Variants in ZNRF3 observed in about 807,000 individuals in gnomAD.
ZNRF3 encodes zinc and ring finger 3, also known as E3 ubiquitin-protein ligase ZNRF3.
Under a neutral mutation model 72.5 loss-of-function variants are expected in ZNRF3, and 23 were observed. The observed-to-expected ratio is 0.32, with a 90% CI of 0.23 to 0.45. The LOEUF (loss-of-function observed/expected upper bound fraction) is 0.45, where lower values mean the gene tolerates loss of function less well. Among genes scored for constraint, ZNRF3 ranks in the 20% least tolerant of loss-of-function variants. The pLI is 1.00. For missense variants in ZNRF3, 1,169 were observed against 1,272.1 expected, an observed-to-expected ratio of 0.92 and a Z score of 1.23; for synonymous variants, 610 against 545.3, an observed-to-expected ratio of 1.12 and a Z score of -1.65.
rs149607594 is a variant in ZNRF3 at position 29,001,692 on chromosome 22, C to T, written c.426+14491C>T. On this transcript the variant is annotated intron_variant, in intron 2 of 8. Coordinates refer to ENST00000544604, the MANE Select transcript of ZNRF3 (RefSeq NM_001206998.2). ...TTCGCCTTGTTGGCCAGGCTGGTCT[C>T]GAACTCCTGACCTCAAGTGATCTGC... is the stretch of plus-strand genomic sequence containing the variant. Among the ~76,000 whole-genome samples, 1,488 of 152,162 alleles carry T rather than the reference C, an allele frequency of 9.8e-3. 28 individuals are homozygous for T. Among genetic ancestry groups the T allele is most frequent in the African/African-American group, 0.034 (1,430 of 41,490 alleles).
intron 1 of ZNRF3, among the ~76,000 whole-genome samples, chr22:28,956,890 C>T (rs944758298): frequency 6.6e-6 from 1 of 152,194 alleles, no homozygotes; most frequent in African/African-American, 2.4e-5. Context: ...AAGCATGGCT[C>T]TTTTCCCAAA....
Position 29,044,833 on chromosome 22 carries a change from C to T in ZNRF3, c.687C>T (p.Val229=). Residue 229 remains valine (V), a synonymous_variant, in exon 5 of 9, where the codon GTC becomes GTT. Transcript: ENST00000544604. ...TTTTCCTGGCTTTCTTCGTCGTGGT[C>T]TCCTTGGTCTGCCTCATCCTCCTTG... ...MGIFLAFFVV[V]SLVCLILLVK... is the part of the protein sequence containing the mutation. The T allele has an allele frequency of 1.2e-6, 2 of 1,614,138 alleles. No homozygotes were observed. Among genetic ancestry groups the T allele is most frequent in the Non-Finnish European group, 1.7e-6 (2 of 1,180,030 alleles).
rs145999339 is a variant in ZNRF3, at chr22:29,054,497, C to T, written c.*875C>T. 4.7e-3 allele frequency: 718 copies of T among 152,650 alleles called. 7 individuals are homozygous for T. The highest frequency in any genetic ancestry group is 5.9e-3 in the Non-Finnish European group (403 of 68,070). The allele number at this position is 152,650 out of a possible 1,614,324, so 9.5% of individuals were successfully genotyped here. A position where few individuals can be genotyped will look rare whatever the true frequency, so the allele number is the denominator to read the frequency against. On this transcript the variant is annotated 3_prime_UTR_variant, in exon 9 of 9. Transcript: ENST00000544604. ...ATGTTCTTGGGGCCCTCGACCTGAA[C>T]TCTGACCCTCCGGGCAGGGAAGAGG... is the stretch of plus-strand genomic sequence containing the variant.
Position 29,048,347 on chromosome 22 carries a change from C to T in ZNRF3, c.913-42C>T, listed in dbSNP as rs775009448. 6.4e-6 allele frequency: 10 copies of T among 1,567,840 alleles called. No individual in the cohort carries two copies. In the East Asian group the frequency reaches 6.7e-5, roughly 11 times the overall value. ...TGGACTCTGCAGGAGGACACACCTG[C>T]GAGGCTGAAGGCAGACTTGTGTCCC... On this transcript the variant is annotated intron_variant, in intron 6 of 8. Coordinates refer to ENST00000544604, the MANE Select transcript of ZNRF3 (RefSeq NM_001206998.2). The surrounding 1 kb of genome is among the most constrained non-coding windows in gnomAD (Gnocchi z 4.9).
chr22:28,942,653 C>T (rs1450423679), intron 1 of ZNRF3, among the ~76,000 whole-genome samples: 1 of 152,202 alleles, frequency 6.6e-6, no homozygotes, highest in Non-Finnish European at 1.5e-5. Context: ...GGGGTCCGTG[C>T]TACGTCTGAG....
intron 1 of ZNRF3, among the ~76,000 whole-genome samples, chr22:28,930,642 A>G (rs2034689039): frequency 6.6e-6 from 1 of 152,254 alleles, no homozygotes; most frequent in Non-Finnish European, 1.5e-5. Flanking sequence ...CACAGGCCAC[A>G]TAACAGGAAA....
intron 1 of ZNRF3, among the ~76,000 whole-genome samples, chr22:28,971,355 T>G (rs1302639521): frequency 6.6e-6 from 1 of 152,168 alleles, no homozygotes; most frequent in Non-Finnish European, 1.5e-5. Flanking sequence ...GTTATGGGCT[T>G]TTAATTCATA....
At chr22:28,918,550 G>A (rs1002897500) in intron 1 of ZNRF3, among the ~76,000 whole-genome samples, 255 of 105,338 alleles carry the variant, frequency 2.4e-3, no homozygotes, top group East Asian at 0.011. Flanking sequence ...GTGTGTGTGT[G>A]TGTGTGTGTG....
intron 6 of ZNRF3, among the ~76,000 whole-genome samples, chr22:29,047,608 C>T (rs1217493804): frequency 6.6e-6 from 1 of 152,152 alleles, no homozygotes; most frequent in East Asian, 1.9e-4. Flanking sequence ...GTGACATGGG[C>T]CTGACACTGA....
At chr22:28,999,473 A>T (rs2036106799) in intron 2 of ZNRF3, among the ~76,000 whole-genome samples, 1 of 152,046 alleles carries the variant, frequency 6.6e-6, no homozygotes, top group South Asian at 2.1e-4. Flanking sequence ...GAGACCCCTG[A>T]CTCTCAAAGA....
intron 2 of ZNRF3, among the ~76,000 whole-genome samples, chr22:29,033,759 G>A (rs2036810747): frequency 6.6e-6 from 1 of 152,192 alleles, no homozygotes; most frequent in Non-Finnish European, 1.5e-5. Context: ...CATGGGTGGA[G>A]GAATGGGGGA....
chr22:28,954,919 G>A (rs974939924), intron 1 of ZNRF3, among the ~76,000 whole-genome samples: 2 of 151,934 alleles, frequency 1.3e-5, no homozygotes, highest in African/African-American at 4.8e-5. Flanking sequence ...GCTGGGCACT[G>A]TGGGATAATA....
At chr22:28,889,782 C>G (rs2033852761) in intron 1 of ZNRF3, among the ~76,000 whole-genome samples, 1 of 152,338 alleles carries the variant, frequency 6.6e-6, no homozygotes, top group East Asian at 1.9e-4. Flanking sequence ...ACTTGACACT[C>G]TGAATGCAGG....
chr22:28,884,171 G>C (rs1298605416), intron 1 of ZNRF3, 105 bp downstream of exon 1: 1 of 920,590 alleles, frequency 1.1e-6, no homozygotes, highest in African/African-American at 1.8e-5. Flanking sequence ...GGGCGGGCGG[G>C]AGGGGTGGCC....
intron 4 of ZNRF3, among the ~76,000 whole-genome samples, chr22:29,044,058 A>G (rs923913941): frequency 5.3e-5 from 8 of 152,148 alleles, no homozygotes; most frequent in African/African-American, 1.7e-4. Context: ...GGTGCCCTAT[A>G]TTGGTGTTAT....
At chr22:29,003,714 C>T (rs1210882726) in intron 2 of ZNRF3, among the ~76,000 whole-genome samples, 2 of 151,886 alleles carry the variant, frequency 1.3e-5, no homozygotes, top group African/African-American at 4.8e-5. Context: ...GTGGTGCATG[C>T]CTGTGGTCCC....
At chr22:28,969,548 A>C (rs2035533450) in intron 1 of ZNRF3, among the ~76,000 whole-genome samples, 1 of 152,134 alleles carries the variant, frequency 6.6e-6, no homozygotes, top group Admixed American at 6.6e-5. Context: ...TAGGCCTGGC[A>C]TGTGGGAGGA....
At chr22:29,026,695 C>T (rs1045114165) in intron 2 of ZNRF3, 2 of 152,176 alleles carry the variant, frequency 1.3e-5, no homozygotes, top group Non-Finnish European at 2.9e-5. Context: ...AAGCTTGCCC[C>T]GTATAAATGG....
chr22:28,883,870 C>T lies in ZNRF3; in HGVS notation c.104C>T (p.Pro35Leu), dbSNP rs2123737865. 1 of 1,010,358 alleles carries T rather than the reference C, an allele frequency of 9.9e-7. No individual in the cohort carries two copies. The highest frequency in any genetic ancestry group is 1.2e-6 in the Non-Finnish European group (1 of 851,036). The allele number at this position is 1,010,358 out of a possible 1,614,324, so 62.6% of individuals were successfully genotyped here. Residue 35 changes from proline (P) to leucine (L), a missense_variant, in exon 1 of 9, where the codon CCG (proline) becomes CTG (leucine). Transcript: ENST00000544604. This position sits in a 1 kb window ranked among gnomAD's most constrained non-coding sequence, Gnocchi z 5.5. The stretch of plus-strand genomic sequence containing the variant: ...CGGTGCAGCCGCCTGCCGCCGCCGC[C>T]GCCGCTGCCGCTGCTGCTCGGGCTG... ...GLRCSRLPPP[P>L]PLPLLLGLLL... is the part of the protein sequence containing the mutation.
Sources: allele counts gnomAD v4.1 joint callset (sites outside exome capture counted in the v4.1 genomes callset), GRCh38; gene constraint gnomAD v4.1.1; non-coding constraint Gnocchi (gnomAD v3.1); transcripts MANE v1.5; gene names NCBI Gene and HGNC (gene_info 2026-07-23, HGNC 2026-07-21).